Variants in CCDC148 observed in about 807,000 individuals in gnomAD.
The protein encoded by CCDC148 is coiled-coil domain containing 148, also known as coiled-coil domain-containing protein 148.
CCDC148 carries 89 observed loss-of-function variants against 85.7 expected under a neutral mutation model. That is an observed-to-expected ratio of 1.04 (90% confidence interval 0.87 to 1.24). CCDC148 has a LOEUF of 1.24. Among genes scored for constraint, CCDC148 ranks in the 50% most tolerant of loss-of-function variants. The probability of loss-of-function intolerance (pLI) is 0.00; values close to 1 mark genes in which losing one functional copy is unlikely to be tolerated. For synonymous variants in CCDC148, 230 were observed against 213.9 expected, an observed-to-expected ratio of 1.08 and a Z score of -0.66; for missense variants, 692 against 671.7, an observed-to-expected ratio of 1.03 and a Z score of -0.33.
intron 1 of CCDC148, among the ~76,000 whole-genome samples, chr2:158,359,348 A>T (rs1683822331): frequency 6.6e-6 from 1 of 152,226 alleles, no homozygotes; most frequent in Non-Finnish European, 1.5e-5. Context: ...AAATGATTTC[A>T]GGCCAATCAC....
At chr2:158,423,815 C>T (rs1686930462) in intron 1 of CCDC148, among the ~76,000 whole-genome samples, 6 of 152,146 alleles carry the variant, frequency 3.9e-5, no homozygotes, top group Admixed American at 1.3e-4. Context: ...GTAATCTACT[C>T]ATCTGACAAA....
At chr2:158,262,027 T>C (rs760705031) in intron 9 of CCDC148, among the ~76,000 whole-genome samples, 11 of 151,852 alleles carry the variant, frequency 7.2e-5, no homozygotes, top group Non-Finnish European at 1.6e-4. Flanking sequence ...TATAGAGGAA[T>C]ATAAATCATT....
intron 9 of CCDC148, among the ~76,000 whole-genome samples, chr2:158,267,444 C>T (rs1689516967): frequency 6.6e-6 from 1 of 152,134 alleles, no homozygotes; most frequent in Non-Finnish European, 1.5e-5. Flanking sequence ...CATAATTAGT[C>T]ACACTGAATT....
chr2:158,246,122 T>C (rs553883312), intron 10 of CCDC148, among the ~76,000 whole-genome samples: 1 of 152,294 alleles, frequency 6.6e-6, no homozygotes, highest in East Asian at 1.9e-4. Flanking sequence ...AGAAATTGTA[T>C]GGTGGAGTTT....
At chr2:158,312,287 C>T (rs1337162411) in intron 8 of CCDC148, among the ~76,000 whole-genome samples, 1 of 152,106 alleles carries the variant, frequency 6.6e-6, no homozygotes, top group Non-Finnish European at 1.5e-5. Context: ...AAACATTAAG[C>T]ATATACCACA....
chr2:158,433,974 G>T (rs113144913), intron 1 of CCDC148, among the ~76,000 whole-genome samples: 26,884 of 152,232 alleles, frequency 0.18, 3,110 homozygotes, highest in Middle Eastern at 0.26. Context: ...CGGCTGGAAA[G>T]CTCCAATTGG....
At chr2:158,430,423 C>A (rs1687295740) in intron 1 of CCDC148, among the ~76,000 whole-genome samples, 1 of 152,080 alleles carries the variant, frequency 6.6e-6, no homozygotes, top group African/African-American at 2.4e-5. Context: ...CATCCTGTAT[C>A]CACTCAAAAA....
intron 1 of CCDC148, among the ~76,000 whole-genome samples, chr2:158,372,498 C>T (rs1684484530): frequency 6.6e-6 from 1 of 152,006 alleles, no homozygotes; most frequent in Non-Finnish European, 1.5e-5. Flanking sequence ...CCATTTTGGA[C>T]ATGCTTAAAT....
At chr2:158,293,958 C>T (rs1691019933) in intron 9 of CCDC148, among the ~76,000 whole-genome samples, 1 of 13,360 alleles carries the variant, frequency 7.5e-5, no homozygotes, top group African/African-American at 2.7e-4. Flanking sequence ...TCCCCTCTCC[C>T]TCCCTCCCTC....
chr2:158,320,517 T>C (rs1174333280), intron 7 of CCDC148, among the ~76,000 whole-genome samples: 1 of 152,220 alleles, frequency 6.6e-6, no homozygotes, highest in Admixed American at 6.5e-5. Context: ...TGGTTTGTTA[T>C]ATAAAATAGG....
chr2:158,213,720 G>C (rs896168486), intron 11 of CCDC148, among the ~76,000 whole-genome samples: 2 of 152,164 alleles, frequency 1.3e-5, no homozygotes, highest in African/African-American at 4.8e-5. Flanking sequence ...ACTCCTCCCT[G>C]TGTGTAGAAT....
intron 3 of CCDC148, among the ~76,000 whole-genome samples, chr2:158,340,905 G>T (rs536345737): frequency 6.6e-6 from 1 of 152,180 alleles, no homozygotes; most frequent in Non-Finnish European, 1.5e-5. Flanking sequence ...AGCAGGTCCT[G>T]GCATTGCATG....
intron 7 of CCDC148, among the ~76,000 whole-genome samples, chr2:158,331,283 G>T (rs1693099048): frequency 6.6e-6 from 1 of 152,158 alleles, no homozygotes; most frequent in Admixed American, 6.5e-5. Flanking sequence ...TCATTCAGGA[G>T]CAGGTTGTTC....
chr2:158,409,065 T>C (rs373758325), intron 1 of CCDC148, among the ~76,000 whole-genome samples: 1 of 152,014 alleles, frequency 6.6e-6, no homozygotes, highest in African/African-American at 2.4e-5. Context: ...ATTTTATATA[T>C]AGAGAGAGAA....
At chr2:158,279,376 G>GA (rs1317784139) in intron 9 of CCDC148, among the ~76,000 whole-genome samples, 5 of 152,054 alleles carry the variant, frequency 3.3e-5, no homozygotes, top group African/African-American at 9.7e-5. Flanking sequence ...TAAAAACTTT[G>GA]AAAAAAATTT....
At chr2:158,199,713 A>G (rs914787425) in intron 11 of CCDC148, among the ~76,000 whole-genome samples, 2 of 152,200 alleles carry the variant, frequency 1.3e-5, no homozygotes, top group Non-Finnish European at 2.9e-5. Context: ...TAGGTGAATA[A>G]TGAAGGTCAC....
At chr2:158,246,950 A>G (rs892606247) in intron 10 of CCDC148, among the ~76,000 whole-genome samples, 5 of 152,162 alleles carry the variant, frequency 3.3e-5, no homozygotes, top group Non-Finnish European at 7.4e-5. Context: ...ACCTGTAGAG[A>G]TGCTCTTGCT....
At chr2:158,455,056 A>G (rs1688555059) in intron 1 of CCDC148, among the ~76,000 whole-genome samples, 1 of 152,182 alleles carries the variant, frequency 6.6e-6, no homozygotes, top group South Asian at 2.1e-4. Flanking sequence ...TTTTCTTTCC[A>G]TTAGACACAA....
intron 1 of CCDC148, among the ~76,000 whole-genome samples, chr2:158,390,346 C>A (rs1685253787): frequency 6.6e-6 from 1 of 151,856 alleles, no homozygotes; most frequent in Non-Finnish European, 1.5e-5. Context: ...CCAAATAGGC[C>A]AGGAAGAGAG....
Sources: allele counts gnomAD v4.1 joint callset (sites outside exome capture counted in the v4.1 genomes callset), GRCh38; gene constraint gnomAD v4.1.1; transcripts MANE v1.5; gene names NCBI Gene and HGNC (gene_info 2026-07-23, HGNC 2026-07-21).